CC2D2A: variants seen among roughly 807,000 people sequenced by gnomAD.
CC2D2A encodes coiled-coil and C2 domain-containing protein 2A.
A neutral mutation model predicts 212.9 loss-of-function variants in CC2D2A; 155 were observed. That is an observed-to-expected ratio of 0.73 (90% confidence interval 0.64 to 0.83). CC2D2A has a LOEUF of 0.83. Ranked by LOEUF, CC2D2A falls within the 40% of genes least tolerant of loss-of-function variation. The pLI is 0.00. For synonymous variants in CC2D2A, 667 were observed against 686.5 expected (o/e 0.97, Z 0.44); for missense variants, 1,856 against 1,956.2 (o/e 0.95, Z 0.97).
chr4:15,568,767 TCA>T (rs990099549), intron 26 of CC2D2A, among the ~76,000 whole-genome samples: 1 of 152,180 alleles, frequency 6.6e-6, no homozygotes, highest in African/African-American at 2.4e-5. Context: ...TTAGCTAGAC[TCA>T]GAGTGGGTTA....
At chr4:15,597,828 GAGA>G (rs553544340) in intron 35 of CC2D2A, among the ~76,000 whole-genome samples, 1 of 152,158 alleles carries the variant, frequency 6.6e-6, no homozygotes, top group Admixed American at 6.5e-5. Flanking sequence ...CTAACACATG[GAGA>G]AGATCAGTAA....
At position 15,502,900 on chromosome 4, in the gene CC2D2A, T is replaced by C. The variant is rs570078140; in HGVS notation, c.415T>C (p.Leu139=). 70 of 1,610,212 alleles carry C rather than the reference T, an allele frequency of 4.3e-5. No homozygotes were observed. The highest frequency in any genetic ancestry group is 8.9e-5 in the South Asian group (8 of 89,826). ...RRLRSPSKKE[L]ETEFGTEPGK... ...CTTACGAAGTCCCAGTAAGAAAGAATTGGAGACTGAATTTGGCACAGAGGT... is the reference window on the plus strand; with the variant it reads ...CTTACGAAGTCCCAGTAAGAAAGAACTGGAGACTGAATTTGGCACAGAGGT... Residue 139 remains leucine (L), a synonymous_variant, in exon 6 of 37, where the codon TTG becomes CTG. Transcript: ENST00000424120.
intron 19 of CC2D2A, among the ~76,000 whole-genome samples, chr4:15,553,841 G>A (rs542234616): frequency 1.8e-4 from 27 of 152,264 alleles, no homozygotes; most frequent in African/African-American, 5.1e-4. Flanking sequence ...GTGGTAGCCC[G>A]TGGCCTGGGT....
At chr4:15,491,238 C>T (rs554086880) in intron 4 of CC2D2A, among the ~76,000 whole-genome samples, 2 of 152,276 alleles carry the variant, frequency 1.3e-5, no homozygotes, top group East Asian at 3.9e-4. Flanking sequence ...CCAGTTTCTC[C>T]ACATCTTTTC....
At chr4:15,598,210 A>G (rs1035158218) in intron 35 of CC2D2A, among the ~76,000 whole-genome samples, 2 of 152,204 alleles carry the variant, frequency 1.3e-5, no homozygotes, top group African/African-American at 2.4e-5. Flanking sequence ...TATTTCTCCA[A>G]TATTAAAATG....
chr4:15,539,200 C>T (rs1345381454), intron 16 of CC2D2A, among the ~76,000 whole-genome samples: 1 of 152,136 alleles, frequency 6.6e-6, no homozygotes, highest in Non-Finnish European at 1.5e-5. Context: ...ACAAGTTCTA[C>T]CTGAGACTTA....
chr4:15,574,274 T>G lies in CC2D2A; in HGVS notation c.3719T>G (p.Leu1240Arg). 2 of 1,551,496 alleles carry G rather than the reference T, an allele frequency of 1.3e-6. No individual in the cohort carries two copies. Among genetic ancestry groups the G allele is most frequent in the Non-Finnish European group, 1.7e-6 (2 of 1,146,840 alleles). ...TTAAGTGAAGGCTCCTACATTACCC[T>G]CTTTATTACCATTGAGCCCCAGCTG... ...RSLSEGSYIT[L>R]FITIEPQLVP... Residue 1240 changes from leucine (L) to arginine (R), a missense_variant, in exon 29 of 37, where the codon CTC becomes CGC. Leu to Arg is a moderately radical substitution (Grantham distance 102). This residue lies in a region of CC2D2A where 1,512 missense variants were observed against 1,579.3 expected (regional missense o/e 0.96). Transcript: ENST00000424120.
chr4:15,513,020 A>G (rs1025857006), intron 8 of CC2D2A, among the ~76,000 whole-genome samples: 8 of 152,126 alleles, frequency 5.3e-5, no homozygotes, highest in Non-Finnish European at 7.4e-5. Flanking sequence ...AAAATAAGGA[A>G]AACACACTAG....
chr4:15,601,081 C>G (rs1274984462), intron 36 of CC2D2A, among the ~76,000 whole-genome samples, 156 bp from the exon 37 acceptor site: 1 of 152,062 alleles, frequency 6.6e-6, no homozygotes, highest in Non-Finnish European at 1.5e-5. Flanking sequence ...TTAAGCAGCT[C>G]TCGATTTTCT....
chr4:15,549,301 T>C (rs1308692364), intron 17 of CC2D2A, among the ~76,000 whole-genome samples: 1 of 152,218 alleles, frequency 6.6e-6, no homozygotes, highest in Non-Finnish European at 1.5e-5. Flanking sequence ...AGAGTGTGTT[T>C]TAAGTGTGCC....
rs902698345 is a variant in CC2D2A, at chr4:15,597,525, T to A, written c.4496+60T>A. The A allele has an allele frequency of 8.6e-6, 11 of 1,280,220 alleles. No individual in the cohort carries two copies. In the African/African-American group the frequency reaches 1.5e-4, roughly 17 times the overall value. The allele number at this position is 1,280,220 out of a possible 1,614,324, so 79.3% of individuals were successfully genotyped here. ...TCACTAGGAGTATAATACCAAACTT[T>A]AAACCACTGTCAGCCTGGATGAATG... is the stretch of plus-strand genomic sequence containing the variant. On this transcript the variant is annotated intron_variant, in intron 35 of 36. Transcript: ENST00000424120.
At position 15,527,284 on chromosome 4, in the gene CC2D2A, G is replaced by C. The variant is rs188229933; in HGVS notation, c.1150-163G>C. 1.4e-3 allele frequency among the ~76,000 whole-genome samples: 208 copies of C among 152,324 alleles called. 5 individuals are homozygous for C. Among genetic ancestry groups the C allele is most frequent in the Admixed American group, 0.014 (207 of 15,300 alleles). ...TTGCTGTTCAAATATTCAAAAAAGA[G>C]CTGGCCTCTAAAACCTGGAAATAAG... On this transcript the variant is annotated intron_variant, in intron 11 of 36. Coordinates refer to ENST00000424120, the MANE Select transcript of CC2D2A (RefSeq NM_001378615.1).
At chr4:15,478,677 C>T in intron 2 of CC2D2A, 46 bp from the exon 3 acceptor site, 1 of 1,427,042 alleles carries the variant, frequency 7.0e-7, no homozygotes, top group Non-Finnish European at 9.6e-7. Context: ...AAAGTCATAC[C>T]TCTCTTCCTG....
chr4:15,582,386 A>C (rs1357011444), intron 30 of CC2D2A, among the ~76,000 whole-genome samples: 1 of 152,074 alleles, frequency 6.6e-6, no homozygotes, highest in Non-Finnish European at 1.5e-5. Context: ...CAAAATAAAG[A>C]CTTAAAAATG....
chr4:15,567,687 G>A lies in CC2D2A; in HGVS notation c.3299G>A (p.Arg1100His), dbSNP rs376773368. 9 of 1,600,832 alleles carry A rather than the reference G, an allele frequency of 5.6e-6. No homozygotes were observed. Among genetic ancestry groups the A allele is most frequent in the South Asian group, 2.3e-5 (2 of 87,714 alleles). The stretch of plus-strand genomic sequence containing the variant: ...GCTCTTGATTTTAAGGTTTTAGTAC[G>A]TCCCTTTGTAGAAGTCTCTTTTCAA... ...ADYPLGQVLVRPFVEVSFQRT... is the reference protein window; with the variant it reads ...ADYPLGQVLVHPFVEVSFQRT... The change falls in exon 26 of 37, where the codon CGT becomes CAT. Residue 1100 changes from arginine (R) to histidine (H), a missense_variant. Arg to His is a conservative substitution (Grantham distance 29). Coordinates refer to ENST00000424120, the MANE Select transcript of CC2D2A (RefSeq NM_001378615.1).
chr4:15,540,863 T>C lies in CC2D2A; in HGVS notation c.2030T>C (p.Val677Ala). The C allele has an allele frequency of 6.2e-7, 1 of 1,600,874 alleles. No homozygotes were observed. The highest frequency in any genetic ancestry group is 8.5e-7 in the Non-Finnish European group (1 of 1,173,514). The change falls in exon 17 of 37, where the codon GTA (valine) becomes GCA (alanine). Residue 677 changes from valine (V) to alanine (A), a missense_variant. Around this residue, in one of 5 missense-constraint regions of CC2D2A, gnomAD observed 1,512 missense variants for 1,579.3 expected, o/e 0.96. Coordinates refer to ENST00000424120, the MANE Select transcript of CC2D2A (RefSeq NM_001378615.1). ...GCGGAGGTCTCGAGAAGGGAGGATG[T>C]AAAGAAGCGCTCAGTGTACTTAAAA... is the stretch of plus-strand genomic sequence containing the variant. ...PRAEVSRREDVKKRSVYLKVL... is the reference protein window; with the variant it reads ...PRAEVSRREDAKKRSVYLKVL...
At chr4:15,597,301 T>A (rs376137267) in intron 34 of CC2D2A, 106 bp from the exon 35 acceptor site, 25 of 822,030 alleles carry the variant, frequency 3.0e-5, no homozygotes, top group African/African-American at 2.9e-4. Context: ...TATTATTTTC[T>A]ATATCTCGAT....
At chr4:15,545,640 C>T (rs1290302502) in intron 17 of CC2D2A, among the ~76,000 whole-genome samples, 1 of 151,976 alleles carries the variant, frequency 6.6e-6, no homozygotes, top group East Asian at 1.9e-4. Flanking sequence ...GTTCTACAAG[C>T]AGAAGGTAAG....
chr4:15,480,946 C>A, intron 4 of CC2D2A, 119 bp downstream of exon 4: 1 of 1,186,166 alleles, frequency 8.4e-7, no homozygotes, highest in Non-Finnish European at 1.2e-6. Flanking sequence ...TGCTGCTCCA[C>A]CCACTTTACC....
Sources: gnomAD v4.1 joint callset for allele counts (sites outside exome capture counted in the v4.1 genomes callset) on GRCh38, gnomAD v4.1.1 for gene constraint, gnomAD v4.1.1 regional missense constraint, MANE v1.5 for transcripts, NCBI Gene and HGNC (gene_info 2026-07-23, HGNC 2026-07-21) for gene names.